The following ZSWIM3 variants were observed in gnomAD, a reference collection of about 807,000 sequenced individuals.
ZSWIM3 encodes the protein zinc finger SWIM domain-containing protein 3.
ZSWIM3 carries 27 observed loss-of-function variants against 47.5 expected under a neutral mutation model. The ratio of observed to expected loss-of-function variants is 0.57; its 90% confidence interval spans 0.42 to 0.78. The LOEUF (loss-of-function observed/expected upper bound fraction) is 0.78, where lower values mean the gene tolerates loss of function less well. Ranked by LOEUF, ZSWIM3 falls within the 30% of genes least tolerant of loss-of-function variation. The pLI is 0.00. For missense variants in ZSWIM3, 689 were observed against 861.3 expected (o/e 0.80, Z 2.50); for synonymous variants, 333 against 333.9 (o/e 1.00, Z 0.03).
At chr20:45,870,180 A>G (rs981461115) in intron 1 of ZSWIM3, among the ~76,000 whole-genome samples, 6 of 151,794 alleles carry the variant, frequency 4.0e-5, no homozygotes, top group African/African-American at 1.5e-4. Context: ...TGTCTCTACT[A>G]AAAATACAAA....
At chr20:45,875,850 GAGAT>G (rs1383380518) in intron 1 of ZSWIM3, among the ~76,000 whole-genome samples, 2 of 151,764 alleles carry the variant, frequency 1.3e-5, no homozygotes, top group Non-Finnish European at 2.9e-5. Flanking sequence ...TTAAAAAAAA[GAGAT>G]AGACTCTTGA....
Position 45,857,678 on chromosome 20 carries a change from T to C in ZSWIM3, c.-148T>C. The C allele has an allele frequency of 1.0e-6, 1 of 972,114 alleles. No homozygotes were observed. Among genetic ancestry groups the C allele is most frequent in the East Asian group, 2.4e-5 (1 of 41,378 alleles). The allele number at this position is 972,114 out of a possible 1,614,324, so 60.2% of individuals were successfully genotyped here. On this transcript the variant is annotated 5_prime_UTR_variant, in exon 1 of 2. Transcript: ENST00000255152. ...TCAGGCCTAGGGTTCCTCCCTGAGT[T>C]CCAGAATAGGCCACCCAGTTGGGGC...
Position 45,878,803 on chromosome 20 carries a change from T to C in ZSWIM3, c.*154T>C. 1.0e-6 allele frequency: 1 copy of C among 966,620 alleles called. No individual in the cohort carries two copies. The allele number at this position is 966,620 out of a possible 1,614,324, so 59.9% of individuals were successfully genotyped here. A position where few individuals can be genotyped will look rare whatever the true frequency, so the allele number is the denominator to read the frequency against. On this transcript the variant is annotated 3_prime_UTR_variant, in exon 2 of 2. Coordinates refer to ENST00000255152, the MANE Select transcript of ZSWIM3 (RefSeq NM_080752.4). ...ACAGTAGAGAGGAAGGGAACTCCAC[T>C]GTGTGACAGTCCTTTCAATCTGCCC...
At chr20:45,865,155 C>A (rs956415048) in intron 1 of ZSWIM3, among the ~76,000 whole-genome samples, 1 of 151,990 alleles carries the variant, frequency 6.6e-6, no homozygotes, top group Non-Finnish European at 1.5e-5. Context: ...CCCATCTCTA[C>A]TAAAAATACA....
At chr20:45,863,095 TTC>T (rs1442877703) in intron 1 of ZSWIM3, among the ~76,000 whole-genome samples, 1 of 152,242 alleles carries the variant, frequency 6.6e-6, no homozygotes, top group Non-Finnish European at 1.5e-5. Context: ...TACCTGGCTC[TTC>T]TCACTTACCA....
chr20:45,859,106 GGC>G, intron 1 of ZSWIM3, among the ~76,000 whole-genome samples: 1 of 151,948 alleles, frequency 6.6e-6, no homozygotes, highest in African/African-American at 2.4e-5. Flanking sequence ...CAGAATTTTG[GGC>G]AAGAGTTGTC....
chr20:45,876,038 TG>T (rs1239026708), intron 1 of ZSWIM3, among the ~76,000 whole-genome samples: 1 of 149,958 alleles, frequency 6.7e-6, no homozygotes, highest in African/African-American at 2.5e-5. Flanking sequence ...TTTGTTTTTT[TG>T]TTTTTTTGTT....
chr20:45,878,022 G>T lies in ZSWIM3; in HGVS notation c.1464G>T (p.Pro488=). 3 of 1,614,028 alleles carry T rather than the reference G, an allele frequency of 1.9e-6. No individual in the cohort carries two copies. Among genetic ancestry groups the T allele is most frequent in the Non-Finnish European group, 2.5e-6 (3 of 1,180,014 alleles). ...AGGTACAGCAGCAGTCACAAGTGCC[G>T]CCCTCGCAGGTTGGCATGCTGGACA... ...QVQVQQQSQV[P]PSQVGMLDTL... The change falls in exon 2 of 2, where the codon CCG becomes CCT. Residue 488 remains proline (P), a synonymous_variant. Transcript: ENST00000255152.
chr20:45,865,285 C>T (rs2145787296), intron 1 of ZSWIM3, among the ~76,000 whole-genome samples: 1 of 150,660 alleles, frequency 6.6e-6, no homozygotes, highest in Admixed American at 6.6e-5. Context: ...TGTCATTGCA[C>T]TCCAGCCTAG....
chr20:45,872,766 TCCAGCCCTTC>T (rs1239718412), intron 1 of ZSWIM3: 2 of 1,289,372 alleles, frequency 1.6e-6, no homozygotes, highest in Non-Finnish European at 2.0e-6. Context: ...ACTGGACTGC[TCCAGCCCTTC>T]CTGGCCCAGA....
Position 45,857,800 on chromosome 20 carries a change from C to G in ZSWIM3, c.-26C>G, listed in dbSNP as rs779046642. The G allele has an allele frequency of 6.2e-7, 1 of 1,611,802 alleles. No homozygotes were observed. The highest frequency in any genetic ancestry group is 2.2e-5 in the East Asian group (1 of 44,836). ...ATCTTGGGCCCGGGCTGGGACCAGC[C>G]CCTAGTGTGGGTTGTGGGGGCGGCC... On this transcript the variant is annotated 5_prime_UTR_variant, in exon 1 of 2. Transcript: ENST00000255152.
chr20:45,858,130 T>G, intron 1 of ZSWIM3, 150 bp downstream of exon 1: 1 of 850,100 alleles, frequency 1.2e-6, no homozygotes, highest in Non-Finnish European at 1.8e-6. Context: ...GCTGTGTGCC[T>G]TGTGAAGAGA....
Position 45,877,621 on chromosome 20 carries a change from C to A in ZSWIM3, c.1063C>A (p.Gln355Lys). ...CCTGAAAAATCTCTGCCAGATGTCC[C>A]AGGCCGTACTGGATGAGGATCTCTT... ...ASLKNLCQMS[Q>K]AVLDEDLFNF... Residue 355 changes from glutamine to lysine, a missense_variant, in exon 2 of 2, where the codon CAG becomes AAG. Gln to Lys is a moderately conservative substitution (Grantham distance 53). Transcript: ENST00000255152. 6.2e-7 allele frequency: 1 copy of A among 1,614,200 alleles called. No homozygotes were observed. The highest frequency in any genetic ancestry group is 8.5e-7 in the Non-Finnish European group (1 of 1,180,032).
Position 45,876,798 on chromosome 20 carries a change from G to T in ZSWIM3, c.240G>T (p.Leu80Phe), listed in dbSNP as rs192468436. ...TREADMCPAYLLLRYNERLDR... is the reference protein window; with the variant it reads ...TREADMCPAYFLLRYNERLDR... ...AGGCAGACATGTGCCCAGCGTACTTGCTCCTAAGGTACAACGAGAGACTAG... is the reference window on the plus strand; with the variant it reads ...AGGCAGACATGTGCCCAGCGTACTTTCTCCTAAGGTACAACGAGAGACTAG... Residue 80 changes from leucine to phenylalanine, a missense_variant, in exon 2 of 2, where the codon TTG becomes TTT. Leu to Phe is a conservative substitution (Grantham distance 22). Transcript: ENST00000255152. The T allele has an allele frequency of 1.3e-5, 21 of 1,614,138 alleles. No homozygotes were observed. The East Asian group carries it at 4.2e-4, about 33-fold the overall frequency.
At chr20:45,873,531 T>C (rs563212886) in intron 1 of ZSWIM3, among the ~76,000 whole-genome samples, 1 of 152,122 alleles carries the variant, frequency 6.6e-6, no homozygotes, top group Non-Finnish European at 1.5e-5. Flanking sequence ...TCTAAGAAAA[T>C]GTCACAAGGC....
At chr20:45,870,060 AAAAG>A (rs1985937445) in intron 1 of ZSWIM3, among the ~76,000 whole-genome samples, 2 of 149,708 alleles carry the variant, frequency 1.3e-5, no homozygotes, top group Non-Finnish European at 1.5e-5. Context: ...AAAAAAAAAA[AAAAG>A]AAAAGGCCAA....
At position 45,878,285 on chromosome 20, in the gene ZSWIM3, G is replaced by A. The variant is rs1875364432; in HGVS notation, c.1727G>A (p.Gly576Asp). ...ALLHTSQQPV[G>D]EAMVCRRWQK... ...CTGCACACCAGCCAGCAGCCGGTTGGTGAAGCCATGGTGTGCCGCCGGTGG... is the reference window on the plus strand; with the variant it reads ...CTGCACACCAGCCAGCAGCCGGTTGATGAAGCCATGGTGTGCCGCCGGTGG... Residue 576 changes from glycine (G) to aspartate (D), a missense_variant, in exon 2 of 2, where the codon GGT becomes GAT. Physicochemically the swap from Gly to Asp is moderately conservative, Grantham distance 94. Coordinates refer to ENST00000255152, the MANE Select transcript of ZSWIM3 (RefSeq NM_080752.4). 2 of 1,614,248 alleles carry A rather than the reference G, an allele frequency of 1.2e-6. No homozygotes were observed. The highest frequency in any genetic ancestry group is 1.7e-6 in the Non-Finnish European group (2 of 1,180,046).
chr20:45,859,816 A>AAAAAAC (rs146830909), intron 1 of ZSWIM3, among the ~76,000 whole-genome samples: 12 of 129,376 alleles, frequency 9.3e-5, no homozygotes, highest in South Asian at 2.5e-4. Flanking sequence ...AAAAAAAAAA[A>AAAAAAC]CCACAGTTGC....
At chr20:45,861,275 G>A (rs1297630168) in intron 1 of ZSWIM3, among the ~76,000 whole-genome samples, 1 of 152,138 alleles carries the variant, frequency 6.6e-6, no homozygotes, top group Non-Finnish European at 1.5e-5. Context: ...AAGTAGCCAG[G>A]CATAGTGGTG....
Sources: allele counts gnomAD v4.1 joint callset (sites outside exome capture counted in the v4.1 genomes callset), GRCh38; gene constraint gnomAD v4.1.1; transcripts MANE v1.5; gene names NCBI Gene and HGNC (gene_info 2026-07-23, HGNC 2026-07-21).